SMCO2: variants seen among roughly 807,000 people sequenced by gnomAD.
SMCO2 encodes single-pass membrane protein with coiled-coil domains 2, also known as single-pass membrane and coiled-coil domain-containing protein 2.
SMCO2 carries 25 observed loss-of-function variants against 29.5 expected under a neutral mutation model. The ratio of observed to expected loss-of-function variants is 0.85; its 90% CI spans 0.62 to 1.18. The LOEUF is 1.18. Ranked by LOEUF, SMCO2 falls within the 50% of genes most tolerant of loss-of-function variation. The pLI is 0.00. For missense variants in SMCO2, 348 were observed against 344.5 expected (o/e 1.01, Z -0.08); for synonymous variants, 117 against 123.3 (o/e 0.95, Z 0.34).
intron 3 of SMCO2, among the ~76,000 whole-genome samples, 163 bp from the exon 4 acceptor site, chr12:27,474,623 A>G (rs1336748788): frequency 1.3e-5 from 2 of 152,224 alleles, no homozygotes; most frequent in Non-Finnish European, 2.9e-5. Context: ...TAGACAGAGC[A>G]GAAGGGCATG....
At chr12:27,466,807 C>T (rs758996050), upstream of SMCO2, 2 of 152,296 alleles carry the variant, frequency 1.3e-5, no homozygotes, top group Non-Finnish European at 2.9e-5. Context: ...CAGCAGCACA[C>T]TTACCTGCCT....
At chr12:27,491,564 GTA>G (rs1002484451) in intron 5 of SMCO2, among the ~76,000 whole-genome samples, 11 of 152,046 alleles carry the variant, frequency 7.2e-5, no homozygotes, top group Non-Finnish European at 1.6e-4. Flanking sequence ...TAGCTATACT[GTA>G]TATTCTCTAA....
chr12:27,479,237 C>T (rs1949618750), intron 4 of SMCO2, among the ~76,000 whole-genome samples: 1 of 152,036 alleles, frequency 6.6e-6, no homozygotes, highest in African/African-American at 2.4e-5. Flanking sequence ...GATATCTGGG[C>T]CCCTGGATAG....
At chr12:27,495,071 A>C (rs180906999) in intron 6 of SMCO2, among the ~76,000 whole-genome samples, 1 of 152,254 alleles carries the variant, frequency 6.6e-6, no homozygotes, top group East Asian at 1.9e-4. Context: ...ATTGAGGTAA[A>C]TGTGATTGGG....
rs1190578144 is a variant in SMCO2, at chr12:27,499,862, G to A, written c.684-2061G>A. On this transcript the variant is annotated intron_variant, in intron 7 of 7. Coordinates refer to ENST00000298876, the Ensembl canonical transcript of SMCO2. ...ATTCAATCATTATGAATCGATTTTT[G>A]CTGGTTTTAGCTTCACAAGGTGGCC... Among the ~76,000 whole-genome samples the A allele has an allele frequency of 1.3e-5, 2 of 150,414 alleles. 1 individual carries two copies. The highest frequency in any genetic ancestry group is 5.0e-5 in the African/African-American group (2 of 40,132).
chr12:27,489,901 AAGGAGTATCAAAAGACTGAGGAGAAAGAT>A (rs1949721002), intron 5 of SMCO2, among the ~76,000 whole-genome samples: 1 of 152,318 alleles, frequency 6.6e-6, no homozygotes, highest in Middle Eastern at 3.4e-3. Flanking sequence ...GGGAGGGAGG[AAGGAGTATCAAAAGACTGAGGAGAAAGAT>A]AGAGAAACAC....
chr12:27,494,275 C>G (rs1942968982), intron 5 of SMCO2, 25 bp from the exon 7 acceptor site: 1 of 1,401,984 alleles, frequency 7.1e-7, no homozygotes, highest in East Asian at 2.9e-5. Context: ...TTTCATTTTA[C>G]CCAGAATTGT....
chr12:27,492,641 C>T (rs116474538), intron 5 of SMCO2, among the ~76,000 whole-genome samples: 1 of 152,316 alleles, frequency 6.6e-6, no homozygotes, highest in African/African-American at 2.4e-5. Context: ...TATCATCTCC[C>T]ACACTGGTCA....
At chr12:27,435,572 C>T in the SMCO2 span, among the ~76,000 whole-genome samples, 1 of 149,906 alleles carries the variant, frequency 6.7e-6, no homozygotes, top group Admixed American at 6.6e-5. Flanking sequence ...TCTCTCCTCT[C>T]TGTCTCTGTC....
chr12:27,484,926 ATGTAG>A (rs1458747446), intron 4 of SMCO2, among the ~76,000 whole-genome samples: 2 of 147,360 alleles, frequency 1.4e-5, no homozygotes, highest in Admixed American at 6.8e-5. Context: ...ATCGACCTTC[ATGTAG>A]TTTTCTTAAT....
chr12:27,424,162 C>G, the SMCO2 span: 6 of 152,058 alleles, frequency 3.9e-5, no homozygotes, highest in Non-Finnish European at 7.4e-5. Flanking sequence ...GATTATATTT[C>G]TATTGGACAG....
At chr12:27,455,783 G>A in the SMCO2 span, among the ~76,000 whole-genome samples, 9,509 of 152,276 alleles carry the variant, frequency 0.062, 881 homozygotes, top group African/African-American at 0.2. Context: ...AATTTATGTT[G>A]TGAAATATTA....
chr12:27,425,979 A>G, the SMCO2 span, among the ~76,000 whole-genome samples: 91,755 of 152,054 alleles, frequency 0.6, 28,361 homozygotes, highest in Middle Eastern at 0.75. Flanking sequence ...AATAAGCAGT[A>G]GGTTCTTTCC....
chr12:27,428,587 C>CTTTTTTTTTTGTTTT, the SMCO2 span, among the ~76,000 whole-genome samples: 1 of 150,202 alleles, frequency 6.7e-6, no homozygotes. Context: ...TACTCAGCCA[C>CTTTTTTTTTTGTTTT]TAGTCACTGT....
At chr12:27,458,683 C>T in the SMCO2 span, among the ~76,000 whole-genome samples, 8 of 151,008 alleles carry the variant, frequency 5.3e-5, no homozygotes, top group Non-Finnish European at 1.0e-4. Context: ...GTCAGGAGTT[C>T]GAGACCAGCC....
At chr12:27,441,101 AT>A in the SMCO2 span, among the ~76,000 whole-genome samples, 1 of 152,056 alleles carries the variant, frequency 6.6e-6, no homozygotes, top group Non-Finnish European at 1.5e-5. Context: ...CACAAAAAAA[AT>A]ATAAAAATTA....
chr12:27,494,279 G>T (rs1422877887), intron 5 of SMCO2, 21 bp from the exon 7 acceptor site: 2 of 1,429,070 alleles, frequency 1.4e-6, no homozygotes, highest in Non-Finnish European at 1.9e-6. Context: ...ATTTTACCCA[G>T]AATTGTGGAT....
chr12:27,459,539 A>G, the SMCO2 span, among the ~76,000 whole-genome samples: 3 of 152,236 alleles, frequency 2.0e-5, no homozygotes, highest in Non-Finnish European at 2.9e-5. Context: ...TACCTGGGTG[A>G]CAAAATAACC....
the SMCO2 span, among the ~76,000 whole-genome samples, chr12:27,433,308 C>T: frequency 6.6e-6 from 1 of 152,128 alleles, no homozygotes; most frequent in South Asian, 2.1e-4. Context: ...CATAAGAGTA[C>T]AGCTGCAAAG....
Sources: allele counts gnomAD v4.1 joint callset (sites outside exome capture counted in the v4.1 genomes callset), GRCh38; gene constraint gnomAD v4.1.1; transcripts MANE v1.5; gene names NCBI Gene and HGNC (gene_info 2026-07-23, HGNC 2026-07-21).